C5: variants seen among roughly 807,000 people sequenced by gnomAD.
C5 encodes the protein C3 and PZP-like alpha-2-macroglobulin domain-containing protein 4.
In C5, 140 loss-of-function variants were observed where a neutral mutation model predicts 218.8. The observed-to-expected ratio is 0.64, with a 90% CI of 0.56 to 0.74. The LOEUF (loss-of-function observed/expected upper bound fraction) is 0.74, where lower values mean the gene tolerates loss of function less well. Ranked by LOEUF, C5 falls within the 30% of genes least tolerant of loss-of-function variation. The pLI, the probability that C5 is intolerant of heterozygous loss-of-function variation, is 0.00. For missense variants in C5, 1,700 were observed against 1,969.6 expected (o/e 0.86, Z 2.59); for synonymous variants, 614 against 682.3 (o/e 0.90, Z 1.56).
At chr9:121,047,533 A>G (rs774434281) in intron 1 of C5, among the ~76,000 whole-genome samples, 8 of 152,224 alleles carry the variant, frequency 5.3e-5, no homozygotes, top group Non-Finnish European at 1.2e-4. Context: ...CCAAAAGGGC[A>G]TAGTGATCGA....
At chr9:121,002,933 G>A (rs2131734029) in intron 20 of C5, among the ~76,000 whole-genome samples, 1 of 152,228 alleles carries the variant, frequency 6.6e-6, no homozygotes, top group South Asian at 2.1e-4. Context: ...TAGGATTTAT[G>A]CAAACCCTGT....
intron 24 of C5, 117 bp downstream of exon 24, chr9:120,989,450 AT>A: frequency 1.4e-6 from 1 of 734,970 alleles, no homozygotes; most frequent in Non-Finnish European, 2.2e-6. Flanking sequence ...CCATCTCATG[AT>A]TTTTTTGCTA....
intron 12 of C5, 104 bp downstream of exon 12, chr9:121,019,872 C>T (rs998334981): frequency 8.0e-6 from 6 of 749,448 alleles, no homozygotes; most frequent in Non-Finnish European, 2.3e-6. Flanking sequence ...CTTGAAAGTG[C>T]TTTGGGAATA....
chr9:121,040,232 T>C (rs1046084835), intron 3 of C5, among the ~76,000 whole-genome samples: 1 of 152,184 alleles, frequency 6.6e-6, no homozygotes, highest in East Asian at 1.9e-4. Context: ...ATGTACCATG[T>C]AGAGGCAACA....
intron 7 of C5, 48 bp from the exon 8 acceptor site, chr9:121,027,322 C>G (rs771341798): frequency 1.1e-6 from 1 of 889,870 alleles, no homozygotes; most frequent in Non-Finnish European, 1.8e-6. Flanking sequence ...GTTACAATAA[C>G]AGGATTCAGA....
intron 38 of C5, 83 bp downstream of exon 38, chr9:120,960,165 T>A: frequency 1.2e-6 from 1 of 851,300 alleles, no homozygotes; most frequent in Admixed American, 1.9e-5. Context: ...ATAATCACTA[T>A]ATAAAGTTTT....
In C5 at chr9:121,046,193, T is replaced by C; in HGVS notation, c.256A>G (p.Thr86Ala). Reference protein sequence around the residue: ...ENKFQNSAILTIQPKQLPGGQ... With the variant: ...ENKFQNSAILAIQPKQLPGGQ... ...GAAAATAAAGGATAAATACATACTG[T>C]TAAGATTGCAGAGTTTTGGAATTTA... Residue 86 changes from threonine (T) to alanine (A), a missense_variant and splice_region_variant, in exon 2 of 41, where the codon ACA becomes GCA. Thr to Ala is a moderately conservative substitution (Grantham distance 58, BLOSUM62 0). Transcript: ENST00000223642. 2.6e-6 allele frequency: 4 copies of C among 1,539,450 alleles called. No homozygotes were observed. Among genetic ancestry groups the C allele is most frequent in the Non-Finnish European group, 2.7e-6 (3 of 1,115,790 alleles).
intron 38 of C5, among the ~76,000 whole-genome samples, 161 bp downstream of exon 38, chr9:120,960,087 C>T (rs1219642888): frequency 6.6e-6 from 1 of 150,686 alleles, no homozygotes; most frequent in Non-Finnish European, 1.5e-5. Flanking sequence ...GGAATAAAAA[C>T]TTTGCATGTT....
At chr9:120,997,919 C>T (rs1302581093) in intron 20 of C5, 145 bp from the exon 21 acceptor site, 14 of 673,158 alleles carry the variant, frequency 2.1e-5, no homozygotes, top group Non-Finnish European at 3.1e-5. Flanking sequence ...TCTCCTGCCT[C>T]AGCCTCCTGA....
the C5 span, among the ~76,000 whole-genome samples, chr9:121,059,958 A>T: frequency 3.2e-4 from 48 of 152,342 alleles, no homozygotes; most frequent in African/African-American, 1.2e-3. This position sits in a 1 kb window ranked among gnomAD's most constrained non-coding sequence, Gnocchi z 4.1. Flanking sequence ...TAGCTAAGCC[A>T]TTCCTGAATT....
intron 9 of C5, 142 bp from the exon 10 acceptor site, chr9:121,023,661 T>C: frequency 4.4e-6 from 3 of 683,094 alleles, no homozygotes; most frequent in Admixed American, 2.0e-5. Context: ...CAGTAGTAAG[T>C]AGGACATAGG....
At chr9:121,017,890 TAAAC>T (rs752057538) in intron 12 of C5, 38 bp from the exon 13 acceptor site, 14 of 1,336,768 alleles carry the variant, frequency 1.0e-5, no homozygotes, top group East Asian at 9.2e-5. Flanking sequence ...AAGTAAAAAA[TAAAC>T]AAACAAAAAC....
At chr9:121,055,482 T>C in the C5 span, among the ~76,000 whole-genome samples, 2 of 151,934 alleles carry the variant, frequency 1.3e-5, no homozygotes, top group African/African-American at 2.4e-5. Flanking sequence ...TTCCTTCTGC[T>C]TGGGGAAAGA....
chr9:121,018,662 G>GAAA (rs2047332617), intron 12 of C5, among the ~76,000 whole-genome samples: 1 of 36,960 alleles, frequency 2.7e-5, no homozygotes, highest in African/African-American at 9.5e-5. Flanking sequence ...AAAGAAAGAA[G>GAAA]GAAGGAAGGA....
At chr9:120,988,967 A>G in intron 25 of C5, 79 bp downstream of exon 25, 4 of 1,039,692 alleles carry the variant, frequency 3.8e-6, no homozygotes, top group Non-Finnish European at 6.1e-6. Flanking sequence ...CAACTGGAGG[A>G]ATGGAGTTTC....
At chr9:120,977,650 G>A (rs1480816047) in intron 28 of C5, among the ~76,000 whole-genome samples, 6 of 152,106 alleles carry the variant, frequency 3.9e-5, no homozygotes, top group South Asian at 2.1e-4. Flanking sequence ...AAACTACTGG[G>A]CTCAAGCAAT....
upstream of C5, among the ~76,000 whole-genome samples, chr9:121,053,042 C>T (rs557432141): frequency 2.0e-5 from 3 of 152,256 alleles, no homozygotes; most frequent in South Asian, 2.1e-4. Context: ...CATCAGATTG[C>T]GAACTTCAAG....
chr9:120,983,057 T>C (rs530024734), intron 25 of C5, among the ~76,000 whole-genome samples: 59 of 152,312 alleles, frequency 3.9e-4, no homozygotes, highest in African/African-American at 1.3e-3. Context: ...AAGCTAAAAA[T>C]TGATTCCTGA....
In C5 at chr9:120,953,694, G is replaced by A. The variant is rs373869052; in HGVS notation, c.4901+36C>T. The A allele has an allele frequency of 2.4e-5, 39 of 1,606,960 alleles. No homozygotes were observed. The African/African-American group carries it at 4.7e-4, about 19-fold the overall frequency. ...AGAATAAATTATACTCAGTTTTGGAGGGAAGATCAGTGACTGAAAAATATT... is the reference window on the plus strand; with the variant it reads ...AGAATAAATTATACTCAGTTTTGGAAGGAAGATCAGTGACTGAAAAATATT... On this transcript the variant is annotated intron_variant, in intron 40 of 40. Transcript: ENST00000223642.
Sources: allele counts gnomAD v4.1 joint callset (sites outside exome capture counted in the v4.1 genomes callset), GRCh38; gene constraint gnomAD v4.1.1; non-coding constraint Gnocchi (gnomAD v3.1); transcripts MANE v1.5; gene names NCBI Gene and HGNC (gene_info 2026-07-23, HGNC 2026-07-21).